ROR2: variants seen among roughly 807,000 people sequenced by gnomAD.
ROR2 encodes the protein tyrosine-protein kinase transmembrane receptor ROR2.
A neutral mutation model predicts 74.9 loss-of-function variants in ROR2; 33 were observed. That is an observed-to-expected ratio of 0.44 (90% confidence interval 0.33 to 0.59). ROR2 has a LOEUF of 0.59. Among genes scored for constraint, ROR2 ranks in the 20% least tolerant of loss-of-function variants. The probability of loss-of-function intolerance (pLI) is 0.02; values close to 1 mark genes in which losing one functional copy is unlikely to be tolerated. For synonymous variants in ROR2, 586 were observed against 558.7 expected, an observed-to-expected ratio of 1.05 and a Z score of -0.69; for missense variants, 1,216 against 1,313.8, an observed-to-expected ratio of 0.93 and a Z score of 1.15.
intron 1 of ROR2, among the ~76,000 whole-genome samples, chr9:91,924,266 C>T (rs541991686): frequency 1.3e-3 from 205 of 152,350 alleles, no homozygotes; most frequent in African/African-American, 4.7e-3. Context: ...CCTGTGGTCA[C>T]GCTGGGGACT....
intron 8 of ROR2, 99 bp from the exon 9 acceptor site, chr9:91,725,206 G>A (rs1836984323): frequency 2.5e-6 from 4 of 1,591,784 alleles, no homozygotes; most frequent in East Asian, 2.2e-5. Flanking sequence ...GTGCGGCCAC[G>A]ACTAGGGGGG....
intron 1 of ROR2, among the ~76,000 whole-genome samples, chr9:91,857,565 G>A (rs957271231): frequency 6.6e-6 from 1 of 152,230 alleles, no homozygotes; most frequent in Non-Finnish European, 1.5e-5. Flanking sequence ...TCCAGGGCCT[G>A]TGTGCAGAGC....
chr9:91,878,684 C>T (rs986558100), intron 1 of ROR2, among the ~76,000 whole-genome samples: 1 of 152,182 alleles, frequency 6.6e-6, no homozygotes, highest in Admixed American at 6.5e-5. Context: ...GCACACTCAG[C>T]GGAAAGAGCC....
At chr9:91,826,539 T>C (rs1828295761) in intron 1 of ROR2, among the ~76,000 whole-genome samples, 1 of 152,080 alleles carries the variant, frequency 6.6e-6, no homozygotes, top group South Asian at 2.1e-4. Flanking sequence ...CCCACCACTT[T>C]GGGAGGCTGA....
intron 1 of ROR2, among the ~76,000 whole-genome samples, chr9:91,883,949 C>T (rs1830197539): frequency 6.6e-6 from 1 of 152,172 alleles, no homozygotes; most frequent in Admixed American, 6.5e-5. Flanking sequence ...GGGGATTTCA[C>T]ACCAATGCAG....
At chr9:91,944,682 A>C (rs1831966575) in intron 1 of ROR2, among the ~76,000 whole-genome samples, 1 of 152,228 alleles carries the variant, frequency 6.6e-6, no homozygotes, top group Non-Finnish European at 1.5e-5. Flanking sequence ...CATACACTAA[A>C]AACTAAAAAA....
At chr9:91,833,913 C>T (rs987721623) in intron 1 of ROR2, among the ~76,000 whole-genome samples, 4 of 152,156 alleles carry the variant, frequency 2.6e-5, no homozygotes, top group African/African-American at 7.2e-5. Flanking sequence ...GAGGCATATT[C>T]GAGCCATGGG....
chr9:91,757,772 G>C (rs1430498022), intron 2 of ROR2, among the ~76,000 whole-genome samples: 1 of 152,100 alleles, frequency 6.6e-6, no homozygotes, highest in African/African-American at 2.4e-5. Flanking sequence ...GAAATACAGA[G>C]TCAAATTCCT....
chr9:91,864,565 AAGGC>A (rs1829571831), intron 1 of ROR2, among the ~76,000 whole-genome samples: 1 of 152,230 alleles, frequency 6.6e-6, no homozygotes, highest in South Asian at 2.1e-4. Flanking sequence ...AAGCATGTGG[AAGGC>A]TTCTGGCCAG....
At chr9:91,773,725 C>A (rs551115485) in intron 2 of ROR2, among the ~76,000 whole-genome samples, 84 of 152,336 alleles carry the variant, frequency 5.5e-4, no homozygotes, top group Admixed American at 1.6e-3. Context: ...AGGCATCTCC[C>A]CTGCGGTACC....
chr9:91,891,749 T>TTTAAA (rs2119399118), intron 1 of ROR2, among the ~76,000 whole-genome samples: 1 of 152,222 alleles, frequency 6.6e-6, no homozygotes, highest in East Asian at 1.9e-4. Flanking sequence ...GCCCCTCACC[T>TTTAAA]TTAAAGCCAG....
At chr9:91,833,076 GA>G (rs1828512620) in intron 1 of ROR2, among the ~76,000 whole-genome samples, 1 of 152,180 alleles carries the variant, frequency 6.6e-6, no homozygotes, top group South Asian at 2.1e-4. Flanking sequence ...CACCCCCAAA[GA>G]GGGACAGGGA....
chr9:91,896,536 CA>C (rs1830542751), intron 1 of ROR2, among the ~76,000 whole-genome samples: 1 of 152,314 alleles, frequency 6.6e-6, no homozygotes, highest in South Asian at 2.1e-4. Context: ...TCTTATACCT[CA>C]AAAGTGCCTG....
At chr9:91,773,399 C>T (rs1346987465) in intron 2 of ROR2, among the ~76,000 whole-genome samples, 1 of 152,122 alleles carries the variant, frequency 6.6e-6, no homozygotes, top group Non-Finnish European at 1.5e-5. Context: ...GTAAATCAAA[C>T]TGCACCACCC....
chr9:91,821,801 A>C (rs1297406009), intron 1 of ROR2, among the ~76,000 whole-genome samples: 4 of 152,036 alleles, frequency 2.6e-5, no homozygotes, highest in African/African-American at 9.7e-5. Flanking sequence ...ATTACACAGC[A>C]CTCATCATGC....
At chr9:91,867,839 G>A (rs1587802410) in intron 1 of ROR2, among the ~76,000 whole-genome samples, 2 of 152,242 alleles carry the variant, frequency 1.3e-5, no homozygotes, top group African/African-American at 4.8e-5. Flanking sequence ...CCGGCATTGG[G>A]ACTGCAAACA....
chr9:91,950,034 C>T lies in ROR2; in HGVS notation c.-71G>A, dbSNP rs1832133287. On this transcript the variant is annotated 5_prime_UTR_variant, in exon 1 of 9. Coordinates refer to ENST00000375708, the MANE Select transcript of ROR2 (RefSeq NM_004560.4). Reference sequence around the variant, plus strand: ...GGCGCGGGGTCGGGCGCCACCACCCCTTTCTACGATGCGTCCGCTCCTCCT... The same window carrying T: ...GGCGCGGGGTCGGGCGCCACCACCCTTTTCTACGATGCGTCCGCTCCTCCT... 2.8e-6 allele frequency: 2 copies of T among 718,390 alleles called. No individual in the cohort carries two copies. The highest frequency in any genetic ancestry group is 4.1e-6 in the Non-Finnish European group (2 of 490,698). The allele number at this position is 718,390 out of a possible 1,614,324, so 44.5% of individuals were successfully genotyped here. A position where few individuals can be genotyped will look rare whatever the true frequency, so the allele number is the denominator to read the frequency against.
chr9:91,899,454 C>T (rs1564027008), intron 1 of ROR2, among the ~76,000 whole-genome samples: 1 of 152,170 alleles, frequency 6.6e-6, no homozygotes, highest in East Asian at 1.9e-4. Context: ...CTCCTGTGTG[C>T]TGCATGTGAA....
intron 1 of ROR2, among the ~76,000 whole-genome samples, chr9:91,853,006 C>T (rs1260161005): frequency 6.6e-6 from 1 of 152,210 alleles, no homozygotes; most frequent in African/African-American, 2.4e-5. Flanking sequence ...TGGCGGAGCG[C>T]GAGGTTGTGG....
Sources: gnomAD v4.1 joint callset for allele counts (sites outside exome capture counted in the v4.1 genomes callset) on GRCh38, gnomAD v4.1.1 for gene constraint, MANE v1.5 for transcripts, NCBI Gene and HGNC (gene_info 2026-07-23, HGNC 2026-07-21) for gene names.